The following ASIC2 variants were observed in gnomAD, a reference collection of about 807,000 sequenced individuals.
ASIC2 encodes the protein acid sensing ion channel subunit 2.
ASIC2 carries 25 observed loss-of-function variants against 57.3 expected under a neutral mutation model. The observed-to-expected ratio is 0.44, with a 90% CI of 0.32 to 0.61. The LOEUF (loss-of-function observed/expected upper bound fraction) is 0.61, where lower values mean the gene tolerates loss of function less well. Ranked by LOEUF, ASIC2 falls within the 20% of genes least tolerant of loss-of-function variation. The pLI is 0.06. For missense variants in ASIC2, 641 were observed against 738.1 expected, an observed-to-expected ratio of 0.87 and a Z score of 1.52; for synonymous variants, 319 against 307.5, an observed-to-expected ratio of 1.04 and a Z score of -0.39.
chr17:33,417,983 G>A (rs1652476967), intron 1 of ASIC2, among the ~76,000 whole-genome samples: 1 of 150,146 alleles, frequency 6.7e-6, no homozygotes, highest in East Asian at 2.0e-4. Context: ...CAGCTATCTT[G>A]GAATCGGGAG....
intron 1 of ASIC2, among the ~76,000 whole-genome samples, chr17:33,158,704 C>T (rs1337237799): frequency 6.6e-6 from 1 of 152,204 alleles, no homozygotes; most frequent in Admixed American, 6.5e-5. Context: ...TGAGTGACTT[C>T]GGGCAAGCCG....
chr17:33,442,117 G>A (rs143426929), intron 1 of ASIC2, among the ~76,000 whole-genome samples: 5 of 152,102 alleles, frequency 3.3e-5, no homozygotes, highest in African/African-American at 1.2e-4. Flanking sequence ...GGGGGCTCCT[G>A]GTTCTGTTCC....
intron 1 of ASIC2, among the ~76,000 whole-genome samples, chr17:33,578,296 T>C (rs903607030): frequency 3.3e-5 from 5 of 152,226 alleles, no homozygotes; most frequent in Non-Finnish European, 5.9e-5. Context: ...TGAAACACTG[T>C]GGTTTAGAAG....
intron 1 of ASIC2, among the ~76,000 whole-genome samples, chr17:34,119,414 C>G (rs1911529149): frequency 6.6e-6 from 1 of 152,132 alleles, no homozygotes; most frequent in South Asian, 2.1e-4. Context: ...AACATGTATA[C>G]AGTTTGATGT....
intron 1 of ASIC2, among the ~76,000 whole-genome samples, chr17:33,444,517 A>G (rs1009316689): frequency 6.6e-6 from 1 of 152,176 alleles, no homozygotes; most frequent in Non-Finnish European, 1.5e-5. Context: ...GCTGCCTTAC[A>G]TCTCTTAACA....
intron 1 of ASIC2, among the ~76,000 whole-genome samples, chr17:33,955,761 C>T (rs1904716175): frequency 6.6e-6 from 1 of 152,194 alleles, no homozygotes; most frequent in South Asian, 2.1e-4. Flanking sequence ...GCCCCTCCTC[C>T]AACGTCCTGC....
intron 1 of ASIC2, among the ~76,000 whole-genome samples, chr17:33,145,604 C>T (rs1169985147): frequency 6.6e-6 from 1 of 152,184 alleles, no homozygotes; most frequent in Non-Finnish European, 1.5e-5. Context: ...GTTTCAAATT[C>T]CTTACCTATT....
At chr17:33,206,262 A>C (rs1208142271) in intron 1 of ASIC2, among the ~76,000 whole-genome samples, 1 of 152,190 alleles carries the variant, frequency 6.6e-6, no homozygotes, top group Non-Finnish European at 1.5e-5. Context: ...AGGTCGAAGG[A>C]GCCAGCTGGC....
At chr17:33,412,089 AT>A (rs1223315439) in intron 1 of ASIC2, among the ~76,000 whole-genome samples, 1 of 152,214 alleles carries the variant, frequency 6.6e-6, no homozygotes, top group African/African-American at 2.4e-5. Context: ...AAGCTACATC[AT>A]TTGGGCACTG....
intron 1 of ASIC2, among the ~76,000 whole-genome samples, chr17:33,208,637 C>A (rs967889143): frequency 2.9e-4 from 44 of 151,974 alleles, no homozygotes; most frequent in Admixed American, 2.2e-3. Flanking sequence ...CTATTTTTAT[C>A]ATAAAATTTG....
At chr17:33,078,708 A>T (rs79419881) in intron 3 of ASIC2, among the ~76,000 whole-genome samples, 18,130 of 152,154 alleles carry the variant, frequency 0.12, 1,364 homozygotes, top group African/African-American at 0.22. Flanking sequence ...GATTATAAGT[A>T]TGAGCCACCA....
intron 1 of ASIC2, among the ~76,000 whole-genome samples, chr17:33,265,900 T>A (rs972477834): frequency 2.0e-5 from 3 of 152,238 alleles, no homozygotes; most frequent in African/African-American, 4.8e-5. Flanking sequence ...GAGTTTCTCA[T>A]AACATGGAAA....
chr17:33,177,948 G>A (rs893788540), intron 1 of ASIC2, among the ~76,000 whole-genome samples: 1 of 152,042 alleles, frequency 6.6e-6, no homozygotes, highest in Non-Finnish European at 1.5e-5. Context: ...TCAAAACTGA[G>A]GGCCTTTTCT....
chr17:33,823,534 G>A (rs535454108), intron 1 of ASIC2, among the ~76,000 whole-genome samples: 4 of 152,308 alleles, frequency 2.6e-5, no homozygotes, highest in African/African-American at 9.6e-5. Flanking sequence ...CCGTGTCTGT[G>A]AGTAGCAGCA....
chr17:33,545,193 C>A (rs1166695523), intron 1 of ASIC2, among the ~76,000 whole-genome samples: 2 of 152,070 alleles, frequency 1.3e-5, no homozygotes, highest in Non-Finnish European at 1.5e-5. Flanking sequence ...TTCATTAATC[C>A]TTTTTTAAAG....
intron 1 of ASIC2, among the ~76,000 whole-genome samples, chr17:33,649,509 T>C (rs758086605): frequency 2.0e-5 from 3 of 152,220 alleles, no homozygotes; most frequent in Non-Finnish European, 2.9e-5. Context: ...CTAGTATTTT[T>C]TTAGGAATAG....
intron 1 of ASIC2, among the ~76,000 whole-genome samples, chr17:33,941,197 G>T (rs1916185192): frequency 6.6e-6 from 1 of 152,162 alleles, no homozygotes; most frequent in Non-Finnish European, 1.5e-5. Context: ...CTCCAGCCCT[G>T]CCAGGGAGTC....
intron 1 of ASIC2, among the ~76,000 whole-genome samples, chr17:33,118,873 G>A (rs1480008563): frequency 1.3e-5 from 2 of 152,102 alleles, no homozygotes; most frequent in Non-Finnish European, 2.9e-5. Flanking sequence ...AGGCATAAGA[G>A]TAAGATTGGC....
At chr17:33,634,393 A>G (rs1416021879) in intron 1 of ASIC2, among the ~76,000 whole-genome samples, 2 of 152,198 alleles carry the variant, frequency 1.3e-5, no homozygotes. Flanking sequence ...CAGACCCTTC[A>G]CCTAAGTTAG....
Sources: allele counts gnomAD v4.1 joint callset (sites outside exome capture counted in the v4.1 genomes callset), GRCh38; gene constraint gnomAD v4.1.1; transcripts MANE v1.5; gene names NCBI Gene and HGNC (gene_info 2026-07-23, HGNC 2026-07-21).